The following DOCK3 variants were observed in gnomAD, a reference collection of about 807,000 sequenced individuals.
DOCK3 encodes the protein dedicator of cytokinesis protein 3.
Under a neutral mutation model 265.6 loss-of-function variants are expected in DOCK3, and 60 were observed. That is an observed-to-expected ratio of 0.23 (90% CI 0.18 to 0.28). DOCK3 has a LOEUF of 0.28. Among genes scored for constraint, DOCK3 ranks in the 10% least tolerant of loss-of-function variants. The pLI is 1.00. For synonymous variants in DOCK3, 881 were observed against 938.0 expected, an observed-to-expected ratio of 0.94 and a Z score of 1.11; for missense variants, 1,981 against 2,594.3, an observed-to-expected ratio of 0.76 and a Z score of 5.14.
At chr3:51,063,141 A>C (rs1379637558) in intron 5 of DOCK3, among the ~76,000 whole-genome samples, 1 of 152,056 alleles carries the variant, frequency 6.6e-6, no homozygotes, top group East Asian at 1.9e-4. Flanking sequence ...CCAGCACTTT[A>C]GGGGGCTGAA....
At chr3:50,999,798 A>T (rs1244465294) in intron 5 of DOCK3, among the ~76,000 whole-genome samples, 1 of 152,172 alleles carries the variant, frequency 6.6e-6, no homozygotes, top group Admixed American at 6.5e-5. Context: ...CACTTTTCAA[A>T]CTATTTTTGC....
intron 13 of DOCK3, 40 bp from the exon 14 acceptor site, chr3:51,214,082 G>A (rs373082965): frequency 2.4e-5 from 38 of 1,611,258 alleles, no homozygotes; most frequent in Non-Finnish European, 2.9e-5. Context: ...ATATAACAGG[G>A]TAGAACTGTG....
intron 9 of DOCK3, among the ~76,000 whole-genome samples, chr3:51,139,312 G>A (rs1252325700): frequency 2.0e-5 from 3 of 152,004 alleles, no homozygotes; most frequent in African/African-American, 7.3e-5. Flanking sequence ...CAGAAAACAT[G>A]GATTTAGTGA....
At chr3:51,174,657 C>T (rs911358778) in intron 12 of DOCK3, among the ~76,000 whole-genome samples, 14 of 152,108 alleles carry the variant, frequency 9.2e-5, no homozygotes, top group Non-Finnish European at 1.8e-4. Flanking sequence ...GGAGCTTCAT[C>T]GGTTGCTTTT....
intron 12 of DOCK3, among the ~76,000 whole-genome samples, chr3:51,207,193 G>A (rs553219146): frequency 6.6e-6 from 1 of 152,260 alleles, no homozygotes; most frequent in South Asian, 2.1e-4. Context: ...GAGAGGAATG[G>A]CAGGAACAGG....
At chr3:51,346,998 C>A (rs1201394980) in intron 38 of DOCK3, among the ~76,000 whole-genome samples, 1 of 152,146 alleles carries the variant, frequency 6.6e-6, no homozygotes, top group East Asian at 1.9e-4. Flanking sequence ...TTGATTTTTT[C>A]TTGTAAATTT....
chr3:51,352,510 G>A (rs1373792808), intron 40 of DOCK3, among the ~76,000 whole-genome samples: 2 of 152,174 alleles, frequency 1.3e-5, no homozygotes, highest in East Asian at 3.8e-4. Context: ...ACAAGTAACA[G>A]TCCAAATGTT....
intron 14 of DOCK3, 133 bp from the exon 15 acceptor site, chr3:51,225,516 T>C: frequency 7.2e-7 from 1 of 1,387,544 alleles, no homozygotes; most frequent in South Asian, 1.5e-5. Flanking sequence ...ATGTCCATCA[T>C]TATTAACCAA....
At chr3:51,127,447 A>G (rs1285425349) in intron 9 of DOCK3, among the ~76,000 whole-genome samples, 1 of 152,242 alleles carries the variant, frequency 6.6e-6, no homozygotes, top group Non-Finnish European at 1.5e-5. Flanking sequence ...TAAGCCCAAC[A>G]TAATACAACT....
intron 12 of DOCK3, among the ~76,000 whole-genome samples, chr3:51,194,159 C>T (rs910779230): frequency 2.0e-5 from 3 of 151,998 alleles, no homozygotes; most frequent in Non-Finnish European, 2.9e-5. Flanking sequence ...TCCTTGGTGA[C>T]CCAATGGTCA....
chr3:50,910,749 T>C (rs2049810738), intron 4 of DOCK3, among the ~76,000 whole-genome samples: 1 of 152,186 alleles, frequency 6.6e-6, no homozygotes, highest in African/African-American at 2.4e-5. Flanking sequence ...GTACACAGAT[T>C]GTCTCTCCAT....
At chr3:50,848,332 C>T (rs2046190270) in intron 3 of DOCK3, among the ~76,000 whole-genome samples, 1 of 152,078 alleles carries the variant, frequency 6.6e-6, no homozygotes, top group African/African-American at 2.4e-5. Flanking sequence ...ATGTTTTGAT[C>T]CTATCGTGAA....
chr3:50,932,234 A>G (rs2051104910), intron 4 of DOCK3, among the ~76,000 whole-genome samples: 1 of 152,360 alleles, frequency 6.6e-6, no homozygotes, highest in East Asian at 1.9e-4. Context: ...ATAAGAACAC[A>G]GTAAAACTGT....
chr3:51,023,077 G>T (rs572860847), intron 5 of DOCK3, among the ~76,000 whole-genome samples: 19 of 152,130 alleles, frequency 1.2e-4, no homozygotes, highest in Non-Finnish European at 2.6e-4. Context: ...TGAGCTTCTT[G>T]TAGGTAGATA....
At position 50,938,653 on chromosome 3, in the gene DOCK3, T is replaced by G. The variant is rs1200288030; in HGVS notation, c.315+4576T>G. ...CCTGAAAAATTAACCCACTACTAAA[T>G]GATCTGTGTCAAAGAGGAAACTGTA... On this transcript the variant is annotated intron_variant, in intron 5 of 52. Transcript: ENST00000266037. 2.0e-5 allele frequency among the ~76,000 whole-genome samples: 3 copies of G among 151,946 alleles called. No individual in the cohort carries two copies. The East Asian group carries it at 5.8e-4, about 29-fold the overall frequency.
In DOCK3 at chr3:51,089,312, C is replaced by G. The variant is rs1440700111; in HGVS notation, c.591+28C>G. 3.1e-6 allele frequency: 5 copies of G among 1,600,846 alleles called. No homozygotes were observed. The South Asian group carries it at 5.7e-5, about 18-fold the overall frequency. ...AAGCGGCTTTCCTGGGTCTTCCAGC[C>G]TTTCCCCTCAACTTTTTCTGTTAAG... On this transcript the variant is annotated intron_variant, in intron 8 of 52. Coordinates refer to ENST00000266037, the MANE Select transcript of DOCK3 (RefSeq NM_004947.5).
At chr3:50,997,482 A>G (rs1210133817) in intron 5 of DOCK3, among the ~76,000 whole-genome samples, 4 of 152,204 alleles carry the variant, frequency 2.6e-5, no homozygotes, top group African/African-American at 7.2e-5. Context: ...TAGGAGAGGC[A>G]CACTCCAAAA....
intron 49 of DOCK3, among the ~76,000 whole-genome samples, chr3:51,367,875 G>A (rs1419705716): frequency 6.6e-6 from 1 of 152,152 alleles, no homozygotes. Flanking sequence ...TAGTCTGATG[G>A]GCTTCCCTTT....
chr3:51,146,096 G>A (rs1214982672), intron 9 of DOCK3, among the ~76,000 whole-genome samples: 1 of 152,150 alleles, frequency 6.6e-6, no homozygotes, highest in African/African-American at 2.4e-5. Flanking sequence ...CCCAGGGTTG[G>A]GGACTTCTGA....
Sources: allele counts gnomAD v4.1 joint callset (sites outside exome capture counted in the v4.1 genomes callset), GRCh38; gene constraint gnomAD v4.1.1; transcripts MANE v1.5; gene names NCBI Gene and HGNC (gene_info 2026-07-23, HGNC 2026-07-21).